ANO6: variants seen among roughly 807,000 people sequenced by gnomAD.
ANO6 encodes the protein anoctamin-6.
ANO6 carries 106 observed loss-of-function variants against 117.5 expected under a neutral mutation model. The ratio of observed to expected loss-of-function variants is 0.90; its 90% confidence interval spans 0.77 to 1.06. The LOEUF is 1.06. Ranked by LOEUF, ANO6 falls within the 50% of genes least tolerant of loss-of-function variation. The probability of loss-of-function intolerance (pLI) is 0.00; values close to 1 mark genes in which losing one functional copy is unlikely to be tolerated. For synonymous variants in ANO6, 367 were observed against 385.1 expected, an observed-to-expected ratio of 0.95 and a Z score of 0.55; for missense variants, 955 against 1,121.1, an observed-to-expected ratio of 0.85 and a Z score of 2.12.
rs1943627941 is a variant in ANO6, at chr12:45,431,329, CCTCTT to C, written c.*2028_*2032del. 2.0e-6 allele frequency: 2 copies of C among 985,252 alleles called. No individual in the cohort carries two copies. The highest frequency in any genetic ancestry group is 2.4e-6 in the Non-Finnish European group (2 of 829,926). 61.0% of individuals were successfully genotyped at this position (985,252 alleles called of 1,614,324 possible). On this transcript the variant is annotated 3_prime_UTR_variant, in exon 20 of 20. Coordinates refer to ENST00000320560, the MANE Select transcript of ANO6 (RefSeq NM_001025356.3). ...AGCGGGTGTCACTTCCTCTCTAGTACCTCTTCTCTTCTCTGAAGTGTGTGACTATC... is the reference window on the plus strand; with the variant it reads ...AGCGGGTGTCACTTCCTCTCTAGTACCTCTTCTCTGAAGTGTGTGACTATC...
chr12:45,418,975 T>G, intron 17 of ANO6, among the ~76,000 whole-genome samples: 1 of 152,214 alleles, frequency 6.6e-6, no homozygotes, highest in South Asian at 2.1e-4. Flanking sequence ...AATGTGTGTC[T>G]TATTCCCTCA....
chr12:45,232,821 C>A (rs568376566), intron 1 of ANO6, among the ~76,000 whole-genome samples: 1 of 152,348 alleles, frequency 6.6e-6, no homozygotes, highest in African/African-American at 2.4e-5. Context: ...CACCCCAGTT[C>A]TCTTCATTCT....
At chr12:45,368,438 T>C (rs1941739272) in intron 9 of ANO6, among the ~76,000 whole-genome samples, 1 of 152,268 alleles carries the variant, frequency 6.6e-6, no homozygotes, top group African/African-American at 2.4e-5. Context: ...AGACTGTCTC[T>C]ATAACTATGC....
chr12:45,381,772 T>C (rs1260851232), intron 10 of ANO6, among the ~76,000 whole-genome samples: 2 of 152,206 alleles, frequency 1.3e-5, no homozygotes. Context: ...AGAAGCATTT[T>C]ACCCAGTATG....
chr12:45,383,600 A>C (rs1319075581), intron 10 of ANO6, among the ~76,000 whole-genome samples: 1 of 152,202 alleles, frequency 6.6e-6, no homozygotes, highest in Non-Finnish European at 1.5e-5. Flanking sequence ...TGTTGTGTTC[A>C]TAGCCATGAA....
intron 8 of ANO6, 85 bp downstream of exon 8, chr12:45,357,509 G>A (rs1344723539): frequency 1.4e-6 from 2 of 1,464,738 alleles, no homozygotes; most frequent in Non-Finnish European, 1.9e-6. Flanking sequence ...GTTTTGGTAA[G>A]ACAAGACTGA....
At chr12:45,379,677 A>T (rs1942119822) in intron 10 of ANO6, among the ~76,000 whole-genome samples, 1 of 152,214 alleles carries the variant, frequency 6.6e-6, no homozygotes, top group Admixed American at 6.5e-5. Context: ...GCCCCAATTA[A>T]AGAAGACATT....
intron 1 of ANO6, among the ~76,000 whole-genome samples, chr12:45,250,783 GAGAC>G (rs1427493788): frequency 4.5e-5 from 6 of 132,396 alleles, no homozygotes; most frequent in Non-Finnish European, 1.6e-5. Context: ...AAAAAAAAAA[GAGAC>G]AGTGTCTCAC....
chr12:45,278,818 T>C (rs569225143), intron 1 of ANO6, among the ~76,000 whole-genome samples: 5 of 152,330 alleles, frequency 3.3e-5, no homozygotes, highest in African/African-American at 1.2e-4. Context: ...TCTGTAGTAG[T>C]GGATGGCATT....
chr12:45,355,178 A>C (rs947015366), intron 7 of ANO6, among the ~76,000 whole-genome samples: 233 of 152,288 alleles, frequency 1.5e-3, no homozygotes, highest in African/African-American at 5.4e-3. Context: ...TAAAAAATCA[A>C]AGCTGAATTT....
chr12:45,393,362 T>C (rs1349277611), intron 12 of ANO6, among the ~76,000 whole-genome samples: 1 of 152,140 alleles, frequency 6.6e-6, no homozygotes, highest in African/African-American at 2.4e-5. Flanking sequence ...ACCAAATATG[T>C]GTTTGATTGG....
chr12:45,331,792 T>C (rs1007909032), intron 3 of ANO6, among the ~76,000 whole-genome samples: 8 of 152,108 alleles, frequency 5.3e-5, no homozygotes, highest in Admixed American at 4.6e-4. Flanking sequence ...CAATGTGTGC[T>C]CACTCAGGTA....
intron 4 of ANO6, 134 bp from the exon 5 acceptor site, chr12:45,347,894 T>C (rs2096338162): frequency 1.2e-6 from 1 of 839,366 alleles, no homozygotes; most frequent in African/African-American, 1.7e-5. Flanking sequence ...TCTGTTTTTA[T>C]TGTTATCTTC....
chr12:45,319,573 T>C (rs574388184), intron 2 of ANO6, among the ~76,000 whole-genome samples: 1 of 152,296 alleles, frequency 6.6e-6, no homozygotes, highest in East Asian at 1.9e-4. Context: ...TGGTCTAAAA[T>C]TCTTTTTTTG....
chr12:45,370,563 A>G (rs1007619243), intron 9 of ANO6, among the ~76,000 whole-genome samples: 7 of 152,216 alleles, frequency 4.6e-5, no homozygotes, highest in African/African-American at 1.7e-4. Flanking sequence ...AGAAGATTGC[A>G]TTGACTCCTA....
At chr12:45,277,328 T>G (rs1938586888) in intron 1 of ANO6, among the ~76,000 whole-genome samples, 1 of 152,250 alleles carries the variant, frequency 6.6e-6, no homozygotes, top group Non-Finnish European at 1.5e-5. Flanking sequence ...CATATAGTTA[T>G]GAATAATTCA....
intron 2 of ANO6, among the ~76,000 whole-genome samples, chr12:45,321,190 C>T (rs866465809): frequency 3.3e-5 from 5 of 152,104 alleles, no homozygotes; most frequent in Non-Finnish European, 4.4e-5. Flanking sequence ...GACAGGTAGT[C>T]AGTAAAAGGA....
intron 3 of ANO6, among the ~76,000 whole-genome samples, chr12:45,341,097 T>A (rs754489118): frequency 2.6e-4 from 40 of 152,206 alleles, no homozygotes; most frequent in Non-Finnish European, 2.2e-4. Flanking sequence ...CTGTTTTAAG[T>A]ATTTATAGTT....
chr12:45,397,185 A>C (rs953375182), intron 12 of ANO6, among the ~76,000 whole-genome samples: 1 of 151,722 alleles, frequency 6.6e-6, no homozygotes, highest in Non-Finnish European at 1.5e-5. Context: ...AAGCATATGA[A>C]CAGACACTTT....
Sources: allele counts gnomAD v4.1 joint callset (sites outside exome capture counted in the v4.1 genomes callset), GRCh38; gene constraint gnomAD v4.1.1; transcripts MANE v1.5; gene names NCBI Gene and HGNC (gene_info 2026-07-23, HGNC 2026-07-21).